Variants in CCDC69 observed in about 807,000 individuals in gnomAD.
The protein encoded by CCDC69 is coiled-coil domain containing 69, also known as coiled-coil domain-containing protein 69.
In CCDC69, 38 loss-of-function variants were observed where a neutral mutation model predicts 40.3. The ratio of observed to expected loss-of-function variants is 0.94; its 90% confidence interval spans 0.73 to 1.24. The LOEUF is 1.24. Ranked by LOEUF, CCDC69 falls within the 50% of genes most tolerant of loss-of-function variation. The pLI is 0.00. For synonymous variants in CCDC69, 141 were observed against 138.9 expected (o/e 1.02, Z -0.11); for missense variants, 389 against 357.9 (o/e 1.09, Z -0.70).
intron 1 of CCDC69, among the ~76,000 whole-genome samples, 193 bp downstream of exon 1, chr5:151,223,730 T>G (rs1753171174): frequency 6.6e-6 from 1 of 152,166 alleles, no homozygotes; most frequent in Admixed American, 6.5e-5. Context: ...ACTCGGCTGC[T>G]TGGTGCGGCT....
At chr5:151,208,056 A>G (rs924186707) in intron 1 of CCDC69, among the ~76,000 whole-genome samples, 4 of 152,142 alleles carry the variant, frequency 2.6e-5, no homozygotes, top group Non-Finnish European at 4.4e-5. Flanking sequence ...TTCGAGATCA[A>G]CCTGACCAAC....
Position 151,183,507 on chromosome 5 carries a change from C to A in CCDC69, c.821G>T (p.Gly274Val), listed in dbSNP as rs372546590. The A allele has an allele frequency of 8.1e-6, 13 of 1,608,272 alleles. No individual in the cohort carries two copies. Among genetic ancestry groups the A allele is most frequent in the Middle Eastern group, 1.6e-4 (1 of 6,078 alleles). The change falls in exon 9 of 9, where the codon GGG (glycine) becomes GTG (valine). Residue 274 changes from glycine to valine, a missense_variant. Physicochemically the swap from Gly to Val is moderately radical, Grantham distance 109. Transcript: ENST00000355417. ...AGGGAAGGCAGGCGAGGCATTGGCC[C>A]CAAGGACCCGGTACAACAGCTCCTC... ...EKEELLYRVL[G>V]ANASPAFPLA... is the part of the protein sequence containing the mutation.
In CCDC69 at chr5:151,224,030, G is replaced by A. The variant is rs1032699857; in HGVS notation, c.-60C>T. On this transcript the variant is annotated 5_prime_UTR_variant, in exon 1 of 9. Transcript: ENST00000355417. ...CTCCGGGGCCCCCAGAGGAGCCTGC[G>A]ATCCGGGCCCCGCTGCCCGCTCCGC... The A allele has an allele frequency of 9.0e-6, 13 of 1,439,648 alleles. No individual in the cohort carries two copies. In the Admixed American group the frequency reaches 1.3e-4, roughly 15 times the overall value. 89.2% of individuals were successfully genotyped at this position (1,439,648 alleles called of 1,614,324 possible). A position where few individuals can be genotyped will look rare whatever the true frequency, so the allele number is the denominator to read the frequency against.
Position 151,202,877 on chromosome 5 carries a change from C to A in CCDC69, c.125-1189G>T, listed in dbSNP as rs374500084. Among the ~76,000 whole-genome samples the A allele has an allele frequency of 7.2e-5, 11 of 152,076 alleles. No homozygotes were observed. The East Asian group carries it at 1.7e-3, about 24-fold the overall frequency. ...GGGATCAGGATAATTATGGCACCTA[C>A]CACATGAGTGAGGCTGAGATGATTA... On this transcript the variant is annotated intron_variant, in intron 2 of 8. Coordinates refer to ENST00000355417, the MANE Select transcript of CCDC69 (RefSeq NM_015621.3).
Position 151,201,820 on chromosome 5 carries a change from C to T in CCDC69, c.125-132G>A, listed in dbSNP as rs73796628. On this transcript the variant is annotated intron_variant, in intron 2 of 8. Coordinates refer to ENST00000355417, the MANE Select transcript of CCDC69 (RefSeq NM_015621.3). ...CTGGTCTCTGCCTCAAGAATGATTT[C>T]GGGTGGGACCAGTCTCCAGAGACAG... 2,405 of 538,260 alleles carry T rather than the reference C, an allele frequency of 4.5e-3. 42 individuals are homozygous for T. The highest frequency in any genetic ancestry group is 0.04 in the African/African-American group (2,040 of 51,310). The allele number at this position is 538,260 out of a possible 1,614,324, so 33.3% of individuals were successfully genotyped here.
At chr5:151,191,007 G>T (rs1435265460) in intron 4 of CCDC69, among the ~76,000 whole-genome samples, 2 of 151,788 alleles carry the variant, frequency 1.3e-5, no homozygotes, top group Non-Finnish European at 2.9e-5. Flanking sequence ...CACCTGATGG[G>T]ATCATTCATA....
chr5:151,184,215 G>A, intron 8 of CCDC69, 129 bp downstream of exon 8: 2 of 680,506 alleles, frequency 2.9e-6, no homozygotes, highest in Non-Finnish European at 5.2e-6. Flanking sequence ...GGAAAGAGGA[G>A]CCACATTCCC....
intron 2 of CCDC69, among the ~76,000 whole-genome samples, chr5:151,204,258 C>T (rs1752823732): frequency 6.6e-6 from 1 of 152,164 alleles, no homozygotes; most frequent in Admixed American, 6.5e-5. Flanking sequence ...TGATCTTGAA[C>T]TCTTGGGCTC....
intron 1 of CCDC69, among the ~76,000 whole-genome samples, chr5:151,210,341 C>T (rs770465332): frequency 3.9e-5 from 6 of 151,900 alleles, no homozygotes; most frequent in African/African-American, 7.3e-5. Flanking sequence ...GTCAGGAGTT[C>T]GAGACTAGCC....
In CCDC69 at chr5:151,215,678, C is replaced by T. The variant is rs149310392; in HGVS notation, c.48+8245G>A. The T allele has an allele frequency of 1.1e-3, 421 of 383,444 alleles. 2 individuals are homozygous for T. The highest frequency in any genetic ancestry group is 6.7e-3 in the African/African-American group (327 of 48,498). The allele number at this position is 383,444 out of a possible 1,614,324, so 23.8% of individuals were successfully genotyped here. A position where few individuals can be genotyped will look rare whatever the true frequency, so the allele number is the denominator to read the frequency against. ...GTAAGGGTGGTTGTAAAAGAGAGGG[C>T]GGGATTGCCTGAAAGCAGAGAATGA... On this transcript the variant is annotated intron_variant, in intron 1 of 8. Transcript: ENST00000355417.
intron 4 of CCDC69, among the ~76,000 whole-genome samples, chr5:151,194,729 C>A (rs1380051491): frequency 6.6e-6 from 1 of 151,950 alleles, no homozygotes; most frequent in Admixed American, 6.6e-5. Context: ...ACTGTCTCTA[C>A]TAAAAATACA....
rs915637616 is a variant in CCDC69 at position 151,182,581 on chromosome 5, C to T, written c.*856G>A. 6.0e-6 allele frequency: 1 copy of T among 167,974 alleles called. No homozygotes were observed. The highest frequency in any genetic ancestry group is 2.4e-5 in the African/African-American group (1 of 41,678). 10.4% of individuals were successfully genotyped at this position (167,974 alleles called of 1,614,324 possible). A position where few individuals can be genotyped will look rare whatever the true frequency, so the allele number is the denominator to read the frequency against. Reference sequence around the variant, plus strand: ...TCTAGATTCGACTCTGGGAACTGCTCCATGCCTTGGTTTCCTCATCTGTGC... The same window carrying T: ...TCTAGATTCGACTCTGGGAACTGCTTCATGCCTTGGTTTCCTCATCTGTGC... On this transcript the variant is annotated 3_prime_UTR_variant, in exon 9 of 9. Coordinates refer to ENST00000355417, the MANE Select transcript of CCDC69 (RefSeq NM_015621.3).
At chr5:151,192,819 C>T (rs1029683266) in intron 4 of CCDC69, among the ~76,000 whole-genome samples, 16 of 152,118 alleles carry the variant, frequency 1.1e-4, no homozygotes, top group African/African-American at 3.9e-4. Flanking sequence ...CCAAGTGGAG[C>T]TTATGCCAGG....
At chr5:151,211,094 G>T (rs1043463605) in intron 1 of CCDC69, 1 of 152,218 alleles carries the variant, frequency 6.6e-6, no homozygotes, top group Non-Finnish European at 1.5e-5. Flanking sequence ...CCTATTACAT[G>T]CCTGCCCCCA....
rs1422207499 is a variant in CCDC69, at chr5:151,187,415, A to G, written c.364T>C (p.Ser122Pro). Residue 122 changes from serine to proline, a missense_variant, in exon 5 of 9, where the codon TCT (serine) becomes CCT (proline). Transcript: ENST00000355417. ...TGGGTAGAACTGGCCTCCCGGAAAGAGTGGGTAAGCGCTTCTTTCTCCTGT... is the reference window on the plus strand; with the variant it reads ...TGGGTAGAACTGGCCTCCCGGAAAGGGTGGGTAAGCGCTTCTTTCTCCTGT... The part of the protein sequence containing the change: ...YEQEKEALTH[S>P]FREASSTQQE... The G allele has an allele frequency of 6.2e-7, 1 of 1,613,998 alleles. No homozygotes were observed. The highest frequency in any genetic ancestry group is 1.3e-5 in the African/African-American group (1 of 74,898).
chr5:151,191,886 C>T (rs943710733), intron 4 of CCDC69, among the ~76,000 whole-genome samples: 3 of 151,778 alleles, frequency 2.0e-5, no homozygotes, highest in African/African-American at 7.3e-5. Context: ...GAATTTGAGA[C>T]CAGCCTGGGT....
chr5:151,214,825 C>A (rs571075417), intron 1 of CCDC69, among the ~76,000 whole-genome samples: 1 of 152,318 alleles, frequency 6.6e-6, no homozygotes, highest in African/African-American at 2.4e-5. Context: ...TTCTTAAATA[C>A]CCCTGCACCT....
rs1238589117 is a variant in CCDC69, at chr5:151,183,366, G to T, written c.*71C>A. On this transcript the variant is annotated 3_prime_UTR_variant, in exon 9 of 9. Transcript: ENST00000355417. ...CCTGGAAAAGAACTGAGAGGCTCCT[G>T]CTGTCTTCTCCAGAAAAACCTTGGA... 5 of 1,496,446 alleles carry T rather than the reference G, an allele frequency of 3.3e-6. No individual in the cohort carries two copies. The Admixed American group carries it at 5.9e-5, about 18-fold the overall frequency. The allele number at this position is 1,496,446 out of a possible 1,614,324, so 92.7% of individuals were successfully genotyped here. A position where few individuals can be genotyped will look rare whatever the true frequency, so the allele number is the denominator to read the frequency against.
At chr5:151,186,367 C>T (rs532452677) in intron 5 of CCDC69, among the ~76,000 whole-genome samples, 52 of 70,974 alleles carry the variant, frequency 7.3e-4, no homozygotes, top group African/African-American at 2.7e-3. Flanking sequence ...GAAAAGAAGA[C>T]GGGAGGGGAG....
Sources: allele counts gnomAD v4.1 joint callset (sites outside exome capture counted in the v4.1 genomes callset), GRCh38; gene constraint gnomAD v4.1.1; transcripts MANE v1.5; gene names NCBI Gene and HGNC (gene_info 2026-07-23, HGNC 2026-07-21).